AHRR: variants seen among roughly 807,000 people sequenced by gnomAD.
AHRR encodes the protein aryl hydrocarbon receptor repressor.
In AHRR, 28 loss-of-function variants were observed where a neutral mutation model predicts 44.0. The observed-to-expected ratio is 0.64, with a 90% CI of 0.47 to 0.87. AHRR has a LOEUF of 0.87. AHRR is among the 40% of genes least tolerant of loss of function. AHRR has a pLI of 0.00. For synonymous variants in AHRR, 434 were observed against 407.0 expected, an observed-to-expected ratio of 1.07 and a Z score of -0.80; for missense variants, 990 against 953.9, an observed-to-expected ratio of 1.04 and a Z score of -0.50.
chr5:325,361 C>T (rs1579578808), intron 1 of AHRR, among the ~76,000 whole-genome samples: 1 of 152,204 alleles, frequency 6.6e-6, no homozygotes, highest in East Asian at 1.9e-4. Context: ...ATGCCCGGCC[C>T]ACCTTGGGGT....
chr5:348,450 G>A (rs1336274393), intron 2 of AHRR, among the ~76,000 whole-genome samples: 1 of 152,002 alleles, frequency 6.6e-6, no homozygotes, highest in African/African-American at 2.4e-5. Context: ...GTACATCCGT[G>A]AAGCTATCAC....
At chr5:431,581 A>G (rs1307347281) in intron 8 of AHRR, among the ~76,000 whole-genome samples, 1 of 152,130 alleles carries the variant, frequency 6.6e-6, no homozygotes, top group Non-Finnish European at 1.5e-5. Context: ...AGGCAGTGGC[A>G]GCAGCCTCCA....
chr5:339,798 T>G (rs911081170), intron 1 of AHRR, among the ~76,000 whole-genome samples: 12 of 152,264 alleles, frequency 7.9e-5, no homozygotes, highest in African/African-American at 9.6e-5. Flanking sequence ...AAGATTGAGA[T>G]GATGATGTGC....
rs1475100883 is a variant in AHRR at position 435,758 on chromosome 5, A to G, written c.*924A>G. 3 of 152,594 alleles carry G rather than the reference A, an allele frequency of 2.0e-5. No individual in the cohort carries two copies. Among genetic ancestry groups the G allele is most frequent in the African/African-American group, 7.2e-5 (3 of 41,468 alleles). The allele number at this position is 152,594 out of a possible 1,614,324, so 9.5% of individuals were successfully genotyped here. ...GGGGTTTCTCTCTGGCTGGCTGTACAGTTCACTCAAATGAGGGTTCCCATT... is the reference window on the plus strand; with the variant it reads ...GGGGTTTCTCTCTGGCTGGCTGTACGGTTCACTCAAATGAGGGTTCCCATT... On this transcript the variant is annotated 3_prime_UTR_variant, in exon 11 of 11. Coordinates refer to ENST00000684583, the MANE Select transcript of AHRR (RefSeq NM_001377236.1).
chr5:346,147 G>A (rs960904318), intron 2 of AHRR, among the ~76,000 whole-genome samples: 6 of 152,208 alleles, frequency 3.9e-5, no homozygotes, highest in African/African-American at 7.2e-5. Flanking sequence ...AAGCTCTAGC[G>A]GGGGACGGCA....
intron 7 of AHRR, 99 bp from the exon 8 acceptor site, chr5:427,708 G>A (rs549029908): frequency 6.8e-6 from 11 of 1,613,924 alleles, no homozygotes; most frequent in African/African-American, 1.3e-5. Context: ...GCCTCCCTAC[G>A]AATTCCAGCC....
chr5:414,291 C>G (rs1735616755), intron 5 of AHRR, among the ~76,000 whole-genome samples: 1 of 151,886 alleles, frequency 6.6e-6, no homozygotes, highest in Non-Finnish European at 1.5e-5. Context: ...TAAAAAAATC[C>G]CACTCAAGGC....
chr5:408,563 A>T (rs1735360130), intron 4 of AHRR, among the ~76,000 whole-genome samples: 1 of 152,166 alleles, frequency 6.6e-6, no homozygotes, highest in Non-Finnish European at 1.5e-5. Flanking sequence ...TTATTTTCCT[A>T]ATGTGAAACT....
chr5:373,599 G>C lies in AHRR; in HGVS notation c.245-3011G>C, dbSNP rs561335896. ...GGGCAACTGCGGTGGCTGGGCGGAGGGGGGGTCTCTCTCCACATCACAGAG... is the reference window on the plus strand; with the variant it reads ...GGGCAACTGCGGTGGCTGGGCGGAGCGGGGGTCTCTCTCCACATCACAGAG... On this transcript the variant is annotated intron_variant, in intron 3 of 10. Transcript: ENST00000684583. Among the ~76,000 whole-genome samples the C allele has an allele frequency of 8.1e-4, 124 of 152,284 alleles. 1 individual carries two copies. In the Middle Eastern group the frequency reaches 0.014, roughly 17 times the overall value.
intron 7 of AHRR, among the ~76,000 whole-genome samples, chr5:424,367 G>C (rs1736287463): frequency 8.3e-6 from 1 of 120,760 alleles, no homozygotes; most frequent in Admixed American, 8.7e-5. Flanking sequence ...ATGGTGTGGG[G>C]GTGTTAACCC....
intron 3 of AHRR, among the ~76,000 whole-genome samples, chr5:355,835 G>A (rs1560889842): frequency 6.6e-6 from 1 of 152,252 alleles, no homozygotes; most frequent in East Asian, 1.9e-4. Flanking sequence ...GCTTACGAGA[G>A]TGCTGCAGCT....
chr5:376,552 A>ACCGTGGGGTGAACGCGGGGAAACACAG, intron 3 of AHRR, 58 bp from the exon 4 acceptor site: 7 of 1,411,510 alleles, frequency 5.0e-6, no homozygotes, highest in East Asian at 4.8e-5. Context: ...ATGTGAATGA[A>ACCGTGGGGTGAACGCGGGGAAACACAG]GAAGAGTGGC....
At chr5:402,445 C>T (rs542612847) in intron 4 of AHRR, among the ~76,000 whole-genome samples, 7 of 129,118 alleles carry the variant, frequency 5.4e-5, no homozygotes, top group Non-Finnish European at 1.7e-5. Flanking sequence ...CCCTCGTGCA[C>T]TGTTGGCGGG....
At chr5:432,712 C>T (rs1219888771) in intron 9 of AHRR, 94 bp from the exon 10 acceptor site, 88 of 1,594,884 alleles carry the variant, frequency 5.5e-5, no homozygotes, top group Non-Finnish European at 4.9e-5. Flanking sequence ...TCTGAGGAGC[C>T]GATGGGTCCT....
intron 3 of AHRR, among the ~76,000 whole-genome samples, chr5:356,475 GCGAGT>G (rs1319798746): frequency 1.3e-5 from 2 of 151,016 alleles, no homozygotes. Flanking sequence ...AAGAGCGCCC[GCGAGT>G]GGAGGCCCTC....
intron 3 of AHRR, among the ~76,000 whole-genome samples, chr5:371,372 T>G (rs1743576195): frequency 6.6e-6 from 1 of 152,224 alleles, no homozygotes; most frequent in African/African-American, 2.4e-5. Flanking sequence ...CCTCATTAGT[T>G]CGAGGGCCGG....
Position 436,565 on chromosome 5 carries a change from A to G in AHRR, c.*1731A>G, listed in dbSNP as rs1737083970. Reference sequence around the variant, plus strand: ...CAGTACTGGAAGAGAACAGCCAACCATCTGAGCCCAGAGTCACAGATCCAT... The same window carrying G: ...CAGTACTGGAAGAGAACAGCCAACCGTCTGAGCCCAGAGTCACAGATCCAT... On this transcript the variant is annotated 3_prime_UTR_variant, in exon 11 of 11. Transcript: ENST00000684583. 2 of 152,358 alleles carry G rather than the reference A, an allele frequency of 1.3e-5. No homozygotes were observed. The highest frequency in any genetic ancestry group is 2.9e-5 in the Non-Finnish European group (2 of 68,076). 9.4% of individuals were successfully genotyped at this position (152,358 alleles called of 1,614,324 possible).
At chr5:429,045 TGGCTGGG>T (rs1736598417) in intron 8 of AHRR, among the ~76,000 whole-genome samples, 1 of 152,228 alleles carries the variant, frequency 6.6e-6, no homozygotes, top group Non-Finnish European at 1.5e-5. Flanking sequence ...TACCAATCTG[TGGCTGGG>T]GGCTGGGGAC....
At chr5:368,243 A>G (rs1407844902) in intron 3 of AHRR, among the ~76,000 whole-genome samples, 1 of 152,202 alleles carries the variant, frequency 6.6e-6, no homozygotes, top group East Asian at 1.9e-4. Flanking sequence ...AGGAGAGGCC[A>G]GTGGGGCTGC....
Sources: gnomAD v4.1 joint callset for allele counts (sites outside exome capture counted in the v4.1 genomes callset) on GRCh38, gnomAD v4.1.1 for gene constraint, MANE v1.5 for transcripts, NCBI Gene and HGNC (gene_info 2026-07-23, HGNC 2026-07-21) for gene names.